Variants in GCNT1 observed in about 807,000 individuals in gnomAD.
The protein encoded by GCNT1 is glucosaminyl (N-acetyl) transferase 1, also known as beta-1,3-galactosyl-O-glycosyl-glycoprotein beta-1,6-N-acetylglucosaminyltransferase.
A neutral mutation model predicts 26.2 loss-of-function variants in GCNT1; 16 were observed. That is an observed-to-expected ratio of 0.61 (90% confidence interval 0.41 to 0.93). GCNT1 has a LOEUF of 0.93. GCNT1 is among the 40% of genes least tolerant of loss of function. The pLI is 0.00. For missense variants in GCNT1, 477 were observed against 526.7 expected (o/e 0.91, Z 0.92); for synonymous variants, 183 against 190.8 (o/e 0.96, Z 0.34).
the GCNT1 span, among the ~76,000 whole-genome samples, chr9:76,404,517 C>G: frequency 6.6e-6 from 1 of 152,196 alleles, no homozygotes; most frequent in Non-Finnish European, 1.5e-5. Flanking sequence ...CCCATTTCCT[C>G]TCCCCACTAA....
chr9:76,452,501 C>G (rs117943918), intron 1 of GCNT1, among the ~76,000 whole-genome samples: 1 of 152,150 alleles, frequency 6.6e-6, no homozygotes, highest in Admixed American at 6.5e-5. Flanking sequence ...CAGTTCTGTA[C>G]GCTGCACAGA....
At chr9:76,499,893 T>G (rs1032237005) in intron 2 of GCNT1, among the ~76,000 whole-genome samples, 24 of 152,218 alleles carry the variant, frequency 1.6e-4, no homozygotes, top group Admixed American at 1.1e-3. Flanking sequence ...TATAAATTAT[T>G]ATTAAGGGTT....
intron 2 of GCNT1, among the ~76,000 whole-genome samples, chr9:76,484,876 C>T (rs1157039065): frequency 6.6e-6 from 1 of 151,342 alleles, no homozygotes; most frequent in African/African-American, 2.4e-5. Flanking sequence ...GCAACCTCCG[C>T]CTCCCAGATT....
rs144817491 is a variant in GCNT1, at chr9:76,423,031, T to C, written n.38+3144T>C. ...ACTATGATCCTCAGCAGGTTAGGCA[T>C]ATTAAATGTATTTTTGACTTAAGGT... On this transcript the variant is annotated intron_variant and non_coding_transcript_variant, in intron 1 of 3. Transcript: ENST00000488136. Among the ~76,000 whole-genome samples the C allele has an allele frequency of 2.6e-3, 403 of 152,358 alleles. 1 individual carries two copies. The highest frequency in any genetic ancestry group is 9.4e-3 in the African/African-American group (389 of 41,586).
At chr9:76,448,841 C>T (rs1279690540) in intron 1 of GCNT1, among the ~76,000 whole-genome samples, 1 of 152,196 alleles carries the variant, frequency 6.6e-6, no homozygotes, top group Admixed American at 6.5e-5. Context: ...TGATATGCTG[C>T]AATTTGTTGA....
At chr9:76,403,465 C>G in the GCNT1 span, among the ~76,000 whole-genome samples, 1 of 152,214 alleles carries the variant, frequency 6.6e-6, no homozygotes, top group Non-Finnish European at 1.5e-5. Flanking sequence ...ATTCCTCATG[C>G]ATCCACAAGA....
At chr9:76,472,465 G>A (rs971813649) in intron 2 of GCNT1, among the ~76,000 whole-genome samples, 3 of 152,204 alleles carry the variant, frequency 2.0e-5, no homozygotes, top group Non-Finnish European at 4.4e-5. Flanking sequence ...TCTGGTTAAA[G>A]GCAGCTTTCC....
Position 76,501,826 on chromosome 9 carries a change from G to A in GCNT1, c.-143-413G>A, listed in dbSNP as rs1320075713. On this transcript the variant is annotated intron_variant, in intron 3 of 3. Transcript: ENST00000376730. Reference sequence around the variant, plus strand: ...AAATTACTAACGATTTCAAGAACAAGGGGTGGTAATTCTGGCACAGTGTCA... The same window carrying A: ...AAATTACTAACGATTTCAAGAACAAAGGGTGGTAATTCTGGCACAGTGTCA... 4 of 152,302 alleles carry A rather than the reference G, an allele frequency of 2.6e-5. No individual in the cohort carries two copies. The East Asian group carries it at 5.8e-4, about 22-fold the overall frequency. 9.4% of individuals were successfully genotyped at this position (152,302 alleles called of 1,614,324 possible).
chr9:76,473,243 A>G (rs1373973906), intron 2 of GCNT1, among the ~76,000 whole-genome samples: 1 of 152,092 alleles, frequency 6.6e-6, no homozygotes, highest in Non-Finnish European at 1.5e-5. Flanking sequence ...CAAGCCTATA[A>G]TTTCCTCCAG....
intron 1 of GCNT1, among the ~76,000 whole-genome samples, chr9:76,426,624 T>C (rs945819408): frequency 1.3e-5 from 2 of 150,786 alleles, no homozygotes; most frequent in African/African-American, 4.9e-5. Context: ...AGGCTGGGAG[T>C]GGTGGTTCAC....
chr9:76,443,299 A>T (rs967370052), intron 1 of GCNT1, among the ~76,000 whole-genome samples: 3 of 152,224 alleles, frequency 2.0e-5, no homozygotes, highest in Non-Finnish European at 2.9e-5. Context: ...CAGGGGTCTC[A>T]CAGCCTTCAG....
At chr9:76,497,100 A>G (rs1587455626) in intron 2 of GCNT1, among the ~76,000 whole-genome samples, 1 of 152,356 alleles carries the variant, frequency 6.6e-6, no homozygotes, top group East Asian at 1.9e-4. Context: ...AAATCCCACC[A>G]GATATTCTTC....
chr9:76,405,247 A>T, the GCNT1 span, among the ~76,000 whole-genome samples: 1 of 151,784 alleles, frequency 6.6e-6, no homozygotes, highest in Non-Finnish European at 1.5e-5. Context: ...TCACAGAAAA[A>T]TTGAGAAGTA....
At chr9:76,432,201 C>A (rs6560519) in intron 1 of GCNT1, among the ~76,000 whole-genome samples, 117,453 of 152,122 alleles carry the variant, frequency 0.77, 46,041 homozygotes, top group Middle Eastern at 0.86. Context: ...ATTGGGTGAC[C>A]TAAATATATT....
intron 1 of GCNT1, among the ~76,000 whole-genome samples, chr9:76,429,394 CA>C (rs1165155393): frequency 6.6e-6 from 1 of 152,172 alleles, no homozygotes; most frequent in Non-Finnish European, 1.5e-5. Context: ...CAATGCTTTG[CA>C]AAGTGGTTGT....
chr9:76,445,733 G>T (rs1490639925), intron 1 of GCNT1, among the ~76,000 whole-genome samples: 1 of 151,950 alleles, frequency 6.6e-6, no homozygotes, highest in East Asian at 2.0e-4. Context: ...CCAGCAATCT[G>T]GGAGGCCAAG....
In GCNT1 at chr9:76,502,578, A is replaced by G. The variant is rs1402064296; in HGVS notation, c.197A>G (p.Asp66Gly). ...DINCTKVLQG[D>G]VNEIQKVKLE... ...AATTGCACCAAAGTTTTACAGGGTGATGTAAATGAAATCCAAAAGGTAAAG... is the reference window on the plus strand; with the variant it reads ...AATTGCACCAAAGTTTTACAGGGTGGTGTAAATGAAATCCAAAAGGTAAAG... Residue 66 changes from aspartate to glycine, a missense_variant, in exon 4 of 4, where the codon GAT becomes GGT. Physicochemically the swap from Asp to Gly is moderately conservative, Grantham distance 94. Coordinates refer to ENST00000376730, the MANE Select transcript of GCNT1 (RefSeq NM_001490.5). The G allele has an allele frequency of 6.2e-7, 1 of 1,613,844 alleles. No homozygotes were observed. The highest frequency in any genetic ancestry group is 8.5e-7 in the Non-Finnish European group (1 of 1,179,768).
chr9:76,441,407 A>G (rs764725513), upstream of GCNT1, among the ~76,000 whole-genome samples: 4 of 152,150 alleles, frequency 2.6e-5, no homozygotes, highest in Non-Finnish European at 4.4e-5. Flanking sequence ...CGGCCTCTCA[A>G]AGTGCTGGGA....
chr9:76,425,198 T>A (rs1203249006), intron 1 of GCNT1, among the ~76,000 whole-genome samples: 6 of 146,670 alleles, frequency 4.1e-5, no homozygotes, highest in Non-Finnish European at 7.5e-5. Context: ...ATGAAAAACG[T>A]CACCCAAAGC....
Sources: gnomAD v4.1 joint callset for allele counts (sites outside exome capture counted in the v4.1 genomes callset) on GRCh38, gnomAD v4.1.1 for gene constraint, MANE v1.5 for transcripts, NCBI Gene and HGNC (gene_info 2026-07-23, HGNC 2026-07-21) for gene names.